Variants in TMEM50B observed in about 807,000 individuals in gnomAD.
The protein encoded by TMEM50B is transmembrane protein 50B, also known as HCV p7-trans-regulated protein 3.
Under a neutral mutation model 23.4 loss-of-function variants are expected in TMEM50B, and 14 were observed. The ratio of observed to expected loss-of-function variants is 0.60; its 90% CI spans 0.39 to 0.93. The LOEUF (loss-of-function observed/expected upper bound fraction) is 0.93, where lower values mean the gene tolerates loss of function less well. Ranked by LOEUF, TMEM50B falls within the 40% of genes least tolerant of loss-of-function variation. The probability of loss-of-function intolerance (pLI) is 0.00; values close to 1 mark genes in which losing one functional copy is unlikely to be tolerated. For synonymous variants in TMEM50B, 64 were observed against 62.3 expected, an observed-to-expected ratio of 1.03 and a Z score of -0.13; for missense variants, 159 against 193.0, an observed-to-expected ratio of 0.82 and a Z score of 1.04.
chr21:33,435,000 C>A (rs1025656613), intron 8 of TMEM50B, among the ~76,000 whole-genome samples: 1 of 152,180 alleles, frequency 6.6e-6, no homozygotes, highest in African/African-American at 2.4e-5. Context: ...AACAGTGAAT[C>A]ATGTTTCACT....
intron 1 of TMEM50B, chr21:33,469,576 G>C (rs1404991878): frequency 6.6e-6 from 1 of 152,188 alleles, no homozygotes; most frequent in Admixed American, 6.6e-5. Context: ...CAGTAGAGTA[G>C]AGGAAGTGAT....
chr21:33,470,582 A>AG (rs1228952391), intron 1 of TMEM50B, among the ~76,000 whole-genome samples: 8 of 151,904 alleles, frequency 5.3e-5, no homozygotes, highest in Middle Eastern at 3.4e-3. Context: ...ATACAAAAAA[A>AG]AAAAATTAGC....
chr21:33,450,938 GC>G (rs1555883916), intron 6 of TMEM50B, 75 bp from the exon 7 acceptor site: 1 of 1,233,538 alleles, frequency 8.1e-7, no homozygotes, highest in African/African-American at 1.5e-5. Context: ...TTCTCAATAT[GC>G]TTTGACAGGT....
rs1280442035 is a variant in TMEM50B at position 33,465,393 on chromosome 21, T to C, written c.229A>G (p.Asn77Asp). The change falls in exon 4 of 7, where the codon AAT (asparagine) becomes GAT (aspartate). Residue 77 changes from asparagine to aspartate, a missense_variant. Transcript: ENST00000542230. The part of the protein sequence containing the change: ...LAFFMINAVS[N>D]AQVRGDSYES... ...TAGCTATCACCTCTCACCTGAGCATTGGATACAGCATTTATCCTAGAACGG... is the reference window on the plus strand; with the variant it reads ...TAGCTATCACCTCTCACCTGAGCATCGGATACAGCATTTATCCTAGAACGG... 6.2e-7 allele frequency: 1 copy of C among 1,612,742 alleles called. No individual in the cohort carries two copies. Among genetic ancestry groups the C allele is most frequent in the Non-Finnish European group, 8.5e-7 (1 of 1,179,650 alleles).
chr21:33,463,206 T>C (rs2084232996), intron 4 of TMEM50B, among the ~76,000 whole-genome samples: 1 of 152,014 alleles, frequency 6.6e-6, no homozygotes, highest in Admixed American at 6.6e-5. Flanking sequence ...GCAGAAGAAT[T>C]GCTTGAGCCT....
At chr21:33,443,457 CAAAGG>C in intron 7 of TMEM50B, among the ~76,000 whole-genome samples, 1 of 143,768 alleles carries the variant, frequency 7.0e-6, no homozygotes. Context: ...AAACAGAACA[CAAAGG>C]CACACAGCAA....
intron 6 of TMEM50B, among the ~76,000 whole-genome samples, chr21:33,451,488 A>G (rs1003031579): frequency 2.0e-5 from 3 of 152,222 alleles, no homozygotes; most frequent in Non-Finnish European, 4.4e-5. Flanking sequence ...AGAGTGAAAC[A>G]TAAGGATCAG....
downstream of TMEM50B, among the ~76,000 whole-genome samples, chr21:33,444,803 C>CAAAAAAAAAAAAAAAAAA (rs60816843): frequency 2.1e-5 from 2 of 96,328 alleles, no homozygotes; most frequent in Admixed American, 1.2e-4. Flanking sequence ...CATCTCTTTA[C>CAAAAAAAAAAAAAAAAAA]AAAAAAAAAA....
intron 6 of TMEM50B, among the ~76,000 whole-genome samples, chr21:33,455,081 A>G (rs774672593): frequency 6.6e-6 from 1 of 152,174 alleles, no homozygotes. Flanking sequence ...GTTCCACTGC[A>G]CTAAGGCAGC....
intron 5 of TMEM50B, among the ~76,000 whole-genome samples, chr21:33,457,112 A>G (rs56884576): frequency 0.77 from 117,228 of 151,832 alleles, 45,786 homozygotes; most frequent in East Asian, 0.98. Context: ...AAATTAGCCA[A>G]GTGTGGTGGT....
intron 1 of TMEM50B, among the ~76,000 whole-genome samples, chr21:33,470,952 T>C (rs970680078): frequency 3.3e-5 from 5 of 152,078 alleles, no homozygotes; most frequent in African/African-American, 1.2e-4. Flanking sequence ...GGAACCCCAT[T>C]AAACTCCCAT....
chr21:33,459,418 C>A (rs536118825), intron 5 of TMEM50B, among the ~76,000 whole-genome samples: 36 of 152,158 alleles, frequency 2.4e-4, no homozygotes, highest in Non-Finnish European at 4.7e-4. Context: ...GTAATCCCAG[C>A]ACTTTGGGAG....
At position 33,465,353 on chromosome 21, in the gene TMEM50B, A is replaced by C. The variant is rs369116043; in HGVS notation, c.269T>G (p.Leu90Ter). The change falls in exon 4 of 7, where the codon TTA becomes TGA. Residue 90 changes from leucine (L) to a stop codon, truncating the protein, a stop_gained. Coordinates refer to ENST00000542230, the MANE Select transcript of TMEM50B (RefSeq NM_006134.7). LOFTEE classifies it high-confidence loss of function. ...VRGDSYESGCLGRTGARVWLF... is the reference protein window; with the variant it reads ...VRGDSYESGC ...CAAAGTATCTTTACCTGTTCTTCCT[A>C]AACAGCCGCTTTCATAGCTATCACC... 6.2e-7 allele frequency: 1 copy of C among 1,613,182 alleles called. No homozygotes were observed. Among genetic ancestry groups the C allele is most frequent in the Non-Finnish European group, 8.5e-7 (1 of 1,179,650 alleles).
intron 8 of TMEM50B, chr21:33,437,263 C>T (rs1412938365): frequency 1.2e-5 from 4 of 343,688 alleles, no homozygotes; most frequent in Non-Finnish European, 2.2e-5. Flanking sequence ...TATGACACAT[C>T]TCTGATACTT....
At chr21:33,432,686 T>C in exon 9 of TMEM50B, 1 of 1,612,120 alleles carries the variant, frequency 6.2e-7, no homozygotes, top group Non-Finnish European at 8.5e-7. Context: ...GGAAGATCAT[T>C]CTGTTCACTT....
At chr21:33,437,327 T>C (rs1161027686) in intron 8 of TMEM50B, 2 of 255,650 alleles carry the variant, frequency 7.8e-6, no homozygotes, top group Non-Finnish European at 1.5e-5. Flanking sequence ...CGTCTTGACT[T>C]TGGCAAATGA....
intron 2 of TMEM50B, 99 bp downstream of exon 2, chr21:33,468,688 A>C (rs1031276872): frequency 1.5e-5 from 13 of 890,146 alleles, no homozygotes; most frequent in African/African-American, 3.3e-5. Context: ...CAGTGAAATA[A>C]ATAGTTCTGG....
chr21:33,472,136 C>G (rs927367700), intron 1 of TMEM50B, among the ~76,000 whole-genome samples: 1 of 151,588 alleles, frequency 6.6e-6, no homozygotes, highest in African/African-American at 2.4e-5. Flanking sequence ...GTAATCCCAG[C>G]ACTTTGGGAG....
At chr21:33,437,800 A>G (rs1464604197) in intron 8 of TMEM50B, among the ~76,000 whole-genome samples, 1 of 152,022 alleles carries the variant, frequency 6.6e-6, no homozygotes, top group African/African-American at 2.4e-5. Context: ...CCTGGGCAAC[A>G]TGGTGAAACC....
Sources: allele counts gnomAD v4.1 joint callset (sites outside exome capture counted in the v4.1 genomes callset), GRCh38; gene constraint gnomAD v4.1.1; transcripts MANE v1.5; gene names NCBI Gene and HGNC (gene_info 2026-07-23, HGNC 2026-07-21).